ZNF385D: variants seen among roughly 807,000 people sequenced by gnomAD.
ZNF385D encodes the protein zinc finger protein 659.
Under a neutral mutation model 35.8 loss-of-function variants are expected in ZNF385D, and 15 were observed. That is an observed-to-expected ratio of 0.42 (90% CI 0.28 to 0.64). The LOEUF is 0.64. Ranked by LOEUF, ZNF385D falls within the 30% of genes least tolerant of loss-of-function variation. The pLI, the probability that ZNF385D is intolerant of heterozygous loss-of-function variation, is 0.23. For missense variants in ZNF385D, 474 were observed against 494.6 expected, an observed-to-expected ratio of 0.96 and a Z score of 0.39; for synonymous variants, 212 against 186.8, an observed-to-expected ratio of 1.13 and a Z score of -1.10.
intron 6 of ZNF385D, among the ~76,000 whole-genome samples, chr3:21,424,777 G>A (rs927192601): frequency 1.3e-5 from 2 of 149,300 alleles, no homozygotes; most frequent in Non-Finnish European, 3.0e-5. Flanking sequence ...GCCCAGGGAC[G>A]AATGAATTTA....
At chr3:21,726,189 G>A (rs1416938281) in intron 1 of ZNF385D, among the ~76,000 whole-genome samples, 6 of 152,000 alleles carry the variant, frequency 3.9e-5, no homozygotes, top group Non-Finnish European at 7.4e-5. Flanking sequence ...AAAATAATAA[G>A]AGCTATTTAT....
intron 3 of ZNF385D, among the ~76,000 whole-genome samples, chr3:21,794,944 T>A (rs2072084505): frequency 6.6e-6 from 1 of 152,182 alleles, no homozygotes; most frequent in Non-Finnish European, 1.5e-5. Flanking sequence ...CAGCAAATAT[T>A]GACAAATCAT....
intron 3 of ZNF385D, among the ~76,000 whole-genome samples, chr3:21,840,633 A>G (rs1032060443): frequency 2.6e-5 from 4 of 151,980 alleles, no homozygotes; most frequent in African/African-American, 9.7e-5. Context: ...TAAGCTGGAA[A>G]CCGTTGCTTC....
At chr3:22,350,088 C>T (rs1011451563) in intron 2 of ZNF385D, among the ~76,000 whole-genome samples, 2 of 152,108 alleles carry the variant, frequency 1.3e-5, no homozygotes, top group Non-Finnish European at 2.9e-5. Context: ...CTTCTCCTGT[C>T]TTATGAATTC....
chr3:22,240,734 T>C (rs1480548374), intron 2 of ZNF385D, among the ~76,000 whole-genome samples: 1 of 150,920 alleles, frequency 6.6e-6, no homozygotes, highest in Non-Finnish European at 1.5e-5. Context: ...CGTCAAACAT[T>C]GTGTAATTGT....
intron 3 of ZNF385D, among the ~76,000 whole-genome samples, chr3:21,756,781 T>C (rs570939461): frequency 1.3e-5 from 2 of 152,198 alleles, no homozygotes; most frequent in Admixed American, 1.3e-4. Context: ...TAAGCCTGAG[T>C]TGGCCTATAG....
intron 3 of ZNF385D, among the ~76,000 whole-genome samples, chr3:21,523,194 T>C (rs183424812): frequency 3.0e-4 from 45 of 152,354 alleles, no homozygotes; most frequent in African/African-American, 9.1e-4. Flanking sequence ...TAAAAGCCTA[T>C]GAGTGAATTG....
chr3:21,947,242 T>C (rs1043527606), intron 3 of ZNF385D, among the ~76,000 whole-genome samples: 1 of 152,212 alleles, frequency 6.6e-6, no homozygotes, highest in South Asian at 2.1e-4. Flanking sequence ...ACGATTTAAA[T>C]ATATTTTGAG....
chr3:21,763,359 G>T (rs992964303), intron 3 of ZNF385D, among the ~76,000 whole-genome samples: 1 of 152,076 alleles, frequency 6.6e-6, no homozygotes, highest in Non-Finnish European at 1.5e-5. Flanking sequence ...TTTTCTAGGG[G>T]TGTCATTACT....
intron 4 of ZNF385D, among the ~76,000 whole-genome samples, chr3:21,473,893 T>C (rs1405955636): frequency 1.3e-5 from 2 of 152,086 alleles, no homozygotes; most frequent in Non-Finnish European, 2.9e-5. Context: ...TTAATAGTAG[T>C]TAACATAAAC....
chr3:21,828,618 G>C (rs1490012984), intron 3 of ZNF385D, among the ~76,000 whole-genome samples: 2 of 152,162 alleles, frequency 1.3e-5, no homozygotes, highest in Non-Finnish European at 2.9e-5. Context: ...GGTATGGATA[G>C]TATGGATTCA....
chr3:22,300,157 A>G lies in ZNF385D; in HGVS notation c.106+72293T>C, dbSNP rs115264318. On this transcript the variant is annotated intron_variant, in intron 2 of 5. Coordinates refer to the ZNF385D transcript ENST00000494108. ...AGAAAGCCCAGAAATTCATGCATTT[A>G]AGGCCAATTGATTTTTGACAAAATG... is the stretch of plus-strand genomic sequence containing the variant. Among the ~76,000 whole-genome samples the G allele has an allele frequency of 4.4e-3, 662 of 152,110 alleles. 5 individuals are homozygous for G. The highest frequency in any genetic ancestry group is 0.014 in the African/African-American group (576 of 41,564).
intron 3 of ZNF385D, among the ~76,000 whole-genome samples, chr3:22,032,834 C>T (rs1304421141): frequency 6.6e-6 from 1 of 152,080 alleles, no homozygotes; most frequent in African/African-American, 2.4e-5. Context: ...TTAATTTTAA[C>T]CTCCACAATT....
At position 21,974,119 on chromosome 3, in the gene ZNF385D, C is replaced by A. The variant is rs1703445906; in HGVS notation, c.325+194698G>T. ...AAAGTCCCAGAATAGACAAAGCTAT[C>A]CTGAGCAAAAATTTGAACAAAACTT... On this transcript the variant is annotated intron_variant, in intron 3 of 5. Coordinates refer to the ZNF385D transcript ENST00000494108. Among the ~76,000 whole-genome samples the A allele has an allele frequency of 3.3e-5, 5 of 151,988 alleles. No homozygotes were observed. The South Asian group carries it at 1.0e-3, about 32-fold the overall frequency.
intron 4 of ZNF385D, among the ~76,000 whole-genome samples, chr3:21,470,597 A>G (rs1326714119): frequency 6.6e-6 from 1 of 152,172 alleles, no homozygotes; most frequent in Non-Finnish European, 1.5e-5. Flanking sequence ...ATGGTTTCAA[A>G]CTTTAATTTT....
rs529234817 is a variant in ZNF385D at position 21,819,868 on chromosome 3, T to C, written c.326-154840A>G. ...ATATATACATAAATATACACATATA[T>C]ACACACATAATTAGGTTATACTTCA... On this transcript the variant is annotated intron_variant, in intron 3 of 5. Transcript: ENST00000494108. Among the ~76,000 whole-genome samples the C allele has an allele frequency of 2.2e-4, 33 of 148,376 alleles. No individual in the cohort carries two copies. The East Asian group carries it at 6.5e-3, about 29-fold the overall frequency.
chr3:22,283,251 A>C (rs529825316), intron 2 of ZNF385D, among the ~76,000 whole-genome samples: 2 of 152,270 alleles, frequency 1.3e-5, no homozygotes, highest in South Asian at 4.1e-4. Flanking sequence ...TCAGTACTCC[A>C]CTGACAGCTC....
chr3:21,833,412 G>C (rs533446935), intron 3 of ZNF385D, among the ~76,000 whole-genome samples: 1 of 152,128 alleles, frequency 6.6e-6, no homozygotes, highest in Admixed American at 6.5e-5. Flanking sequence ...CATGTATCTT[G>C]TAAGAGAGGT....
intron 1 of ZNF385D, among the ~76,000 whole-genome samples, chr3:21,698,579 C>G (rs1318374381): frequency 6.6e-6 from 1 of 151,918 alleles, no homozygotes; most frequent in Non-Finnish European, 1.5e-5. Flanking sequence ...ATGTAGCAAG[C>G]CTGCATATAT....
Sources: gnomAD v4.1 joint callset for allele counts (sites outside exome capture counted in the v4.1 genomes callset) on GRCh38, gnomAD v4.1.1 for gene constraint, MANE v1.5 for transcripts, NCBI Gene and HGNC (gene_info 2026-07-23, HGNC 2026-07-21) for gene names.